The following MTMR10 variants were observed in gnomAD, a reference collection of about 807,000 sequenced individuals.
The protein encoded by MTMR10 is myotubularin related protein 10.
In MTMR10, 56 loss-of-function variants were observed where a neutral mutation model predicts 88.1. That is an observed-to-expected ratio of 0.64 (90% confidence interval 0.51 to 0.79). The LOEUF is 0.79. MTMR10 is among the 30% of genes least tolerant of loss of function. The pLI is 0.00. For synonymous variants in MTMR10, 380 were observed against 340.9 expected (o/e 1.11, Z -1.26); for missense variants, 883 against 924.7 (o/e 0.95, Z 0.58).
the MTMR10 span, chr15:30,930,422 TG>T: frequency 8.6e-7 from 1 of 1,159,440 alleles, no homozygotes; most frequent in Non-Finnish European, 1.2e-6. Flanking sequence ...ATGGTGGGCC[TG>T]GGGTCCATGT....
At chr15:30,925,123 C>T in the MTMR10 span, 1 of 1,610,792 alleles carries the variant, frequency 6.2e-7, no homozygotes, top group Non-Finnish European at 8.5e-7. Flanking sequence ...ATGCTCTCTG[C>T]CAGACTATCA....
the MTMR10 span, chr15:30,929,467 A>C: frequency 2.4e-6 from 3 of 1,226,740 alleles, no homozygotes; most frequent in Admixed American, 2.5e-5. Flanking sequence ...CTTTTCAGCA[A>C]CTTTATCAAA....
chr15:30,963,831 T>C (rs542323481), intron 6 of MTMR10, among the ~76,000 whole-genome samples: 1 of 152,254 alleles, frequency 6.6e-6, no homozygotes, highest in South Asian at 2.1e-4. Context: ...AACCTGCATA[T>C]GGAATTTTTG....
At chr15:30,922,082 T>TC in the MTMR10 span, among the ~76,000 whole-genome samples, 1 of 152,224 alleles carries the variant, frequency 6.6e-6, no homozygotes, top group African/African-American at 2.4e-5. Context: ...CACCTCAAAG[T>TC]CCCTGTCCTG....
chr15:30,942,272 G>C (rs1168119004), intron 15 of MTMR10, 200 bp from the exon 16 acceptor site: 1 of 673,348 alleles, frequency 1.5e-6, no homozygotes. Context: ...CTCTACCTAG[G>C]CTGTTACTAT....
chr15:30,954,754 T>C lies in MTMR10; in HGVS notation c.1066+9A>G, dbSNP rs2063298346. 16 of 1,586,512 alleles carry C rather than the reference T, an allele frequency of 1.0e-5. No homozygotes were observed. The highest frequency in any genetic ancestry group is 1.4e-5 in the Non-Finnish European group (16 of 1,169,634). ...GTTCATTATATATATGAAATAAGAATGAAATTACCATTAACGCATAGCTGC... is the reference window on the plus strand; with the variant it reads ...GTTCATTATATATATGAAATAAGAACGAAATTACCATTAACGCATAGCTGC... On this transcript the variant is annotated intron_variant, in intron 10 of 15. Transcript: ENST00000435680.
intron 2 of MTMR10, among the ~76,000 whole-genome samples, chr15:30,986,562 A>G (rs1411291493): frequency 6.6e-6 from 1 of 152,218 alleles, no homozygotes; most frequent in Non-Finnish European, 1.5e-5. Flanking sequence ...CATTTAACAA[A>G]AAAAGTATCT....
At chr15:30,931,759 C>T in the MTMR10 span, among the ~76,000 whole-genome samples, 6 of 152,118 alleles carry the variant, frequency 3.9e-5, no homozygotes, top group Admixed American at 6.5e-5. Context: ...TCTATATACT[C>T]TTCGGTTCCA....
intron 6 of MTMR10, 44 bp from the exon 7 acceptor site, chr15:30,961,117 C>A: frequency 6.6e-7 from 1 of 1,506,632 alleles, no homozygotes; most frequent in Non-Finnish European, 8.9e-7. Flanking sequence ...GTCACATTTT[C>A]CCCAGCATTC....
intron 1 of MTMR10, chr15:30,991,195 A>C (rs2031298849): frequency 2.1e-6 from 1 of 484,448 alleles, no homozygotes; most frequent in Middle Eastern, 5.2e-4. Flanking sequence ...CCTGGGCCTC[A>C]ACACTCCGCA....
chr15:30,988,240 G>C (rs905723519), intron 2 of MTMR10, among the ~76,000 whole-genome samples: 1 of 152,134 alleles, frequency 6.6e-6, no homozygotes, highest in African/African-American at 2.4e-5. Context: ...GATGGGTGCA[G>C]GAAGGCCAGA....
chr15:30,925,050 T>C, the MTMR10 span: 1 of 1,468,760 alleles, frequency 6.8e-7, no homozygotes, highest in African/African-American at 1.4e-5. Flanking sequence ...AACAGTGGGC[T>C]TTTCTGTCAA....
At position 30,959,114 on chromosome 15, in the gene MTMR10, C is replaced by CTG; in HGVS notation, c.764_765dup (p.Glu256GlnfsTer5). On this transcript the variant is annotated frameshift_variant, in exon 8 of 16. Coordinates refer to ENST00000435680, the MANE Select transcript of MTMR10 (RefSeq NM_017762.3). LOFTEE classifies it high-confidence loss of function. Reference sequence around the variant, plus strand: ...AAAGAACTTGGCACTACAATGTATTCTGGAAGGCTGGAGGGGAAAAAAAAA... The same window carrying CTG: ...AAAGAACTTGGCACTACAATGTATTCTGTGGAAGGCTGGAGGGGAAAAAAAAA... The CTG allele has an allele frequency of 1.3e-6, 2 of 1,578,294 alleles. No homozygotes were observed. Among genetic ancestry groups the CTG allele is most frequent in the Non-Finnish European group, 1.7e-6 (2 of 1,163,158 alleles).
intron 14 of MTMR10, chr15:30,943,438 T>C: frequency 3.0e-6 from 3 of 985,232 alleles, no homozygotes; most frequent in Non-Finnish European, 3.6e-6. Flanking sequence ...GAGCACACGG[T>C]CAGTACATTT....
intron 7 of MTMR10, among the ~76,000 whole-genome samples, chr15:30,959,914 C>G (rs773649960): frequency 1.4e-4 from 22 of 151,984 alleles, no homozygotes; most frequent in Non-Finnish European, 2.9e-4. Context: ...TGACATTAAA[C>G]AAATTAAAAA....
In MTMR10 at chr15:30,974,458, T is replaced by TA. The variant is rs541024214; in HGVS notation, c.332-3dup. The TA allele has an allele frequency of 2.2e-4, 335 of 1,510,042 alleles. No individual in the cohort carries two copies. The African/African-American group carries it at 4.2e-3, about 19-fold the overall frequency. 93.5% of individuals were successfully genotyped at this position (1,510,042 alleles called of 1,614,324 possible). ...TCTGCTTCCTCTTGTGGTCGTTTACTAAAAAAGAAAAAAAAATAGAGAAAA... is the reference window on the plus strand; with the variant it reads ...TCTGCTTCCTCTTGTGGTCGTTTACTAAAAAAAGAAAAAAAAATAGAGAAAA... On this transcript the variant is annotated splice_polypyrimidine_tract_variant and splice_region_variant and intron_variant, in intron 4 of 15. Coordinates refer to ENST00000435680, the MANE Select transcript of MTMR10 (RefSeq NM_017762.3).
downstream of MTMR10, chr15:30,937,011 G>C (rs2062873784): frequency 1.2e-6 from 1 of 825,690 alleles, no homozygotes; most frequent in Middle Eastern, 3.3e-4. Context: ...AATACAGTGA[G>C]AGAGCAGAAG....
In MTMR10 at chr15:30,989,661, C is replaced by T. The variant is rs2031177683; in HGVS notation, c.121+1116G>A. Among the ~76,000 whole-genome samples the T allele has an allele frequency of 2.0e-5, 3 of 151,838 alleles. No individual in the cohort carries two copies. The South Asian group carries it at 6.2e-4, about 32-fold the overall frequency. On this transcript the variant is annotated intron_variant, in intron 2 of 15. Transcript: ENST00000435680. ...GCAGTGGCAGGATCTCGGCTCACTG[C>T]AAGCTCCGCCTCCCGAGTTCATGCC...
rs368454498 is a variant in MTMR10, at chr15:30,941,737, G to A, written c.2067C>T (p.Val689=). The change falls in exon 16 of 16, where the codon GTC becomes GTT. Residue 689 remains valine, a synonymous_variant. Coordinates refer to ENST00000435680, the MANE Select transcript of MTMR10 (RefSeq NM_017762.3). ...GCCGCAGCATCCTGCTCAGTACGTCGACTTCATCAGCCAGGAGGGAGAGCT... is the reference window on the plus strand; with the variant it reads ...GCCGCAGCATCCTGCTCAGTACGTCAACTTCATCAGCCAGGAGGGAGAGCT... ...FHKLSLLADE[V]DVLSRMLRQQ... The A allele has an allele frequency of 2.1e-4, 332 of 1,613,812 alleles. No individual in the cohort carries two copies. The highest frequency in any genetic ancestry group is 4.5e-4 in the Admixed American group (27 of 59,998).
Sources: gnomAD v4.1 joint callset for allele counts (sites outside exome capture counted in the v4.1 genomes callset) on GRCh38, gnomAD v4.1.1 for gene constraint, MANE v1.5 for transcripts, NCBI Gene and HGNC (gene_info 2026-07-23, HGNC 2026-07-21) for gene names.